KTN1: variants seen among roughly 807,000 people sequenced by gnomAD.
KTN1 encodes kinectin 1.
Under a neutral mutation model 222.5 loss-of-function variants are expected in KTN1, and 130 were observed. The ratio of observed to expected loss-of-function variants is 0.58; its 90% confidence interval spans 0.51 to 0.68. The LOEUF (loss-of-function observed/expected upper bound fraction) is 0.68, where lower values mean the gene tolerates loss of function less well. Among genes scored for constraint, KTN1 ranks in the 30% least tolerant of loss-of-function variants. KTN1 has a pLI of 0.00. For missense variants in KTN1, 1,508 were observed against 1,500.4 expected (o/e 1.01, Z -0.08); for synonymous variants, 512 against 496.3 (o/e 1.03, Z -0.42).
intron 5 of KTN1, among the ~76,000 whole-genome samples, chr14:55,623,784 A>T (rs2039459688): frequency 6.6e-6 from 1 of 152,250 alleles, no homozygotes; most frequent in Admixed American, 6.5e-5. Flanking sequence ...CTAGCAGGGA[A>T]GAACCTTGCT....
At chr14:55,639,051 T>TA (rs2041466789) in intron 12 of KTN1, 134 bp from the exon 13 acceptor site, 1 of 576,606 alleles carries the variant, frequency 1.7e-6, no homozygotes, top group Non-Finnish European at 3.1e-6. Context: ...ATTGAACACT[T>TA]ACCATGGGCC....
At chr14:55,662,101 C>T (rs1227071542) in intron 32 of KTN1, among the ~76,000 whole-genome samples, 3 of 146,294 alleles carry the variant, frequency 2.1e-5, no homozygotes, top group East Asian at 2.0e-4. Flanking sequence ...GACAGGGTCT[C>T]GCTCTGTTGC....
intron 31 of KTN1, 193 bp from the exon 32 acceptor site, chr14:55,661,329 A>G: frequency 2.1e-6 from 1 of 467,356 alleles, no homozygotes; most frequent in Non-Finnish European, 3.8e-6. Context: ...ATAAAAACTT[A>G]TATTAGAAAT....
intron 43 of KTN1, chr14:55,682,474 A>G (rs2046458357): frequency 6.6e-6 from 1 of 152,180 alleles, no homozygotes; most frequent in South Asian, 2.1e-4. Flanking sequence ...CAAATCAGAA[A>G]ACTTTATTAT....
intron 5 of KTN1, among the ~76,000 whole-genome samples, chr14:55,620,366 G>C (rs1298612024): frequency 6.6e-6 from 1 of 152,136 alleles, no homozygotes; most frequent in Non-Finnish European, 1.5e-5. Flanking sequence ...TCTTCTCACA[G>C]CTCCACTGGG....
intron 1 of KTN1, among the ~76,000 whole-genome samples, chr14:55,596,529 C>G (rs1283184677): frequency 6.6e-6 from 1 of 152,162 alleles, no homozygotes; most frequent in African/African-American, 2.4e-5. Flanking sequence ...ATTTTAGGTT[C>G]TGATAACTGA....
Position 55,671,555 on chromosome 14 carries a change from G to T in KTN1, c.3349-11G>T. Reference sequence around the variant, plus strand: ...GAATTATGGAGTTTTTCTTTATTTCGTTCTTTGCAGGTTCTAGAGCACAAG... The same window carrying T: ...GAATTATGGAGTTTTTCTTTATTTCTTTCTTTGCAGGTTCTAGAGCACAAG... On this transcript the variant is annotated splice_polypyrimidine_tract_variant and intron_variant, in intron 35 of 43. Coordinates refer to ENST00000395314, the MANE Select transcript of KTN1 (RefSeq NM_001079521.2). 6.3e-7 allele frequency: 1 copy of T among 1,595,266 alleles called. No individual in the cohort carries two copies. The highest frequency in any genetic ancestry group is 8.5e-7 in the Non-Finnish European group (1 of 1,170,880).
At chr14:55,671,215 G>A (rs995143490) in intron 35 of KTN1, 1 of 257,446 alleles carries the variant, frequency 3.9e-6, no homozygotes. Flanking sequence ...AAATTGGGGG[G>A]GATTTATTAT....
intron 1 of KTN1, among the ~76,000 whole-genome samples, chr14:55,611,789 G>A (rs187870013): frequency 6.6e-6 from 1 of 152,130 alleles, no homozygotes; most frequent in Non-Finnish European, 1.5e-5. Context: ...TTTAGAAATG[G>A]AAGGATGTTT....
At chr14:55,586,529 G>T (rs35531912) in intron 1 of KTN1, among the ~76,000 whole-genome samples, 33,515 of 152,028 alleles carry the variant, frequency 0.22, 4,208 homozygotes, top group East Asian at 0.36. Context: ...TCTTTAGGAG[G>T]AGCCTGAATT....
intron 33 of KTN1, among the ~76,000 whole-genome samples, chr14:55,664,995 T>A (rs1484064968): frequency 1.3e-5 from 2 of 149,702 alleles, no homozygotes; most frequent in Non-Finnish European, 3.0e-5. Context: ...TCTGTAAATT[T>A]TTTTTTTTTT....
chr14:55,652,690 C>T (rs1038247532), intron 25 of KTN1, among the ~76,000 whole-genome samples, 160 bp from the exon 26 acceptor site: 3 of 152,174 alleles, frequency 2.0e-5, no homozygotes, highest in African/African-American at 4.8e-5. Context: ...TGAGCCACTG[C>T]GCCTGGCCTT....
chr14:55,668,463 C>A (rs1162558935), intron 34 of KTN1: 2 of 151,946 alleles, frequency 1.3e-5, no homozygotes, highest in Non-Finnish European at 2.9e-5. Flanking sequence ...TTCCTCTTTT[C>A]TTTATGTATC....
chr14:55,672,903 T>G, intron 38 of KTN1, 26 bp from the exon 39 acceptor site: 1 of 1,582,026 alleles, frequency 6.3e-7, no homozygotes, highest in South Asian at 1.1e-5. Flanking sequence ...TTAAGTGTGT[T>G]AACTTTTCCT....
chr14:55,637,150 A>T, intron 10 of KTN1, 48 bp from the exon 11 acceptor site: 1 of 1,400,138 alleles, frequency 7.1e-7, no homozygotes, highest in Non-Finnish European at 9.8e-7. Context: ...GAGTATGAGT[A>T]ACTAGGCAAA....
chr14:55,666,887 T>C (rs1417710249), intron 33 of KTN1, among the ~76,000 whole-genome samples: 1 of 152,028 alleles, frequency 6.6e-6, no homozygotes, highest in Non-Finnish European at 1.5e-5. Flanking sequence ...TATTTTCTAC[T>C]ATAGGTAGTT....
intron 1 of KTN1, 28 bp downstream of exon 1, chr14:55,580,382 G>A (rs1023317433): frequency 4.8e-5 from 7 of 146,766 alleles, no homozygotes; most frequent in Non-Finnish European, 9.1e-5. Flanking sequence ...GCACCGGGAC[G>A]GGCGCCGGCG....
At chr14:55,640,549 A>T in intron 15 of KTN1, 107 bp downstream of exon 15, 1 of 730,206 alleles carries the variant, frequency 1.4e-6, no homozygotes, top group Middle Eastern at 2.9e-4. Flanking sequence ...AAAAAATATA[A>T]TGGTTTATCA....
At chr14:55,645,474 A>G (rs1197858321) in intron 18 of KTN1, among the ~76,000 whole-genome samples, 2 of 152,218 alleles carry the variant, frequency 1.3e-5, no homozygotes, top group Non-Finnish European at 2.9e-5. Context: ...AGGTAGGAGT[A>G]ACTAAAGGTA....
Sources: gnomAD v4.1 joint callset for allele counts (sites outside exome capture counted in the v4.1 genomes callset) on GRCh38, gnomAD v4.1.1 for gene constraint, MANE v1.5 for transcripts, NCBI Gene and HGNC (gene_info 2026-07-23, HGNC 2026-07-21) for gene names.